Variants in RASGRF2 observed in about 807,000 individuals in gnomAD.
RASGRF2 encodes ras-specific guanine nucleotide-releasing factor 2.
RASGRF2 carries 76 observed loss-of-function variants against 151.0 expected under a neutral mutation model. That is an observed-to-expected ratio of 0.50 (90% confidence interval 0.42 to 0.61). The LOEUF (loss-of-function observed/expected upper bound fraction) is 0.61, where lower values mean the gene tolerates loss of function less well. Among genes scored for constraint, RASGRF2 ranks in the 20% least tolerant of loss-of-function variants. The pLI, the probability that RASGRF2 is intolerant of heterozygous loss-of-function variation, is 0.00. For synonymous variants in RASGRF2, 504 were observed against 566.5 expected, an observed-to-expected ratio of 0.89 and a Z score of 1.57; for missense variants, 1,148 against 1,564.6, an observed-to-expected ratio of 0.73 and a Z score of 4.49.
At chr5:81,022,678 C>T (rs1749871242) in intron 1 of RASGRF2, among the ~76,000 whole-genome samples, 1 of 152,206 alleles carries the variant, frequency 6.6e-6, no homozygotes, top group African/African-American at 2.4e-5. Flanking sequence ...CACACTCCTC[C>T]TTGTGCTCCC....
rs537715222 is a variant in RASGRF2 at position 81,014,401 on chromosome 5, AG to A, written c.289-28474del. 6.6e-5 allele frequency among the ~76,000 whole-genome samples: 10 copies of A among 152,350 alleles called. No homozygotes were observed. The East Asian group carries it at 1.9e-3, about 29-fold the overall frequency. On this transcript the variant is annotated intron_variant, in intron 1 of 26. Coordinates refer to ENST00000265080, the MANE Select transcript of RASGRF2 (RefSeq NM_006909.3). ...AATCACATCTTATGTGGATGGTGGC[AG>A]GCAAAAGATGAGAGCTTGTGCAGAA...
intron 3 of RASGRF2, among the ~76,000 whole-genome samples, chr5:81,068,417 G>A (rs571166171): frequency 7.7e-4 from 115 of 149,072 alleles, no homozygotes; most frequent in African/African-American, 2.5e-3. Context: ...GGTGGGGGGT[G>A]GTTATTTGTT....
chr5:80,991,635 T>C (rs1205331037), intron 1 of RASGRF2, among the ~76,000 whole-genome samples: 1 of 152,218 alleles, frequency 6.6e-6, no homozygotes, highest in East Asian at 1.9e-4. Context: ...GCCTGTTTGC[T>C]TTAATATCAA....
chr5:80,969,325 A>G lies in RASGRF2; in HGVS notation c.288+8299A>G, dbSNP rs190928552. Among the ~76,000 whole-genome samples, 903 of 151,220 alleles carry G rather than the reference A, an allele frequency of 6.0e-3. 6 individuals are homozygous for G. The highest frequency in any genetic ancestry group is 0.019 in the Admixed American group (291 of 15,174). ...TTTGCATTCTTTTTTTAGTAGAGACAGGGTTTCACCATGTTGGTCAGGCTG... is the reference window on the plus strand; with the variant it reads ...TTTGCATTCTTTTTTTAGTAGAGACGGGGTTTCACCATGTTGGTCAGGCTG... On this transcript the variant is annotated intron_variant, in intron 1 of 26. Transcript: ENST00000265080.
chr5:81,043,559 A>G (rs1010014837), intron 2 of RASGRF2, among the ~76,000 whole-genome samples: 1 of 152,222 alleles, frequency 6.6e-6, no homozygotes, highest in African/African-American at 2.4e-5. Context: ...AAATGTGTGT[A>G]CAGGGTCTTA....
intron 12 of RASGRF2, among the ~76,000 whole-genome samples, chr5:81,104,016 CACAA>C (rs759062097): frequency 2.0e-4 from 30 of 151,636 alleles, no homozygotes; most frequent in Admixed American, 1.4e-3. Flanking sequence ...TGGGCAGATA[CACAA>C]ATATATAGTA....
intron 17 of RASGRF2, among the ~76,000 whole-genome samples, chr5:81,155,139 T>C (rs1049742085): frequency 6.6e-6 from 1 of 152,168 alleles, no homozygotes; most frequent in African/African-American, 2.4e-5. Context: ...TATACCAAAA[T>C]ATATGGGATT....
intron 1 of RASGRF2, among the ~76,000 whole-genome samples, chr5:81,028,917 G>C (rs1166414819): frequency 6.6e-6 from 1 of 152,222 alleles, no homozygotes; most frequent in African/African-American, 2.4e-5. Context: ...AGCCCTGCCA[G>C]ATGGTACCTG....
chr5:81,153,124 C>A (rs183191564), intron 17 of RASGRF2, among the ~76,000 whole-genome samples: 333 of 152,096 alleles, frequency 2.2e-3, no homozygotes, highest in South Asian at 3.7e-3. Flanking sequence ...AAAGGACAAG[C>A]AAAGAAACAA....
At chr5:81,181,509 A>C (rs1754916564) in intron 18 of RASGRF2, among the ~76,000 whole-genome samples, 1 of 152,234 alleles carries the variant, frequency 6.6e-6, no homozygotes, top group South Asian at 2.1e-4. Context: ...TTAGTGCATG[A>C]GAAATGTCTA....
chr5:81,146,806 C>G (rs1754017009), intron 17 of RASGRF2, among the ~76,000 whole-genome samples: 1 of 152,184 alleles, frequency 6.6e-6, no homozygotes, highest in Non-Finnish European at 1.5e-5. Context: ...AGGTTGGTAT[C>G]ATTTCAGAAG....
At chr5:81,125,000 G>A (rs1298472519) in intron 16 of RASGRF2, among the ~76,000 whole-genome samples, 2 of 151,972 alleles carry the variant, frequency 1.3e-5, no homozygotes, top group African/African-American at 4.8e-5. Flanking sequence ...TGATTCTCCT[G>A]CCTCAGCCTC....
chr5:81,034,258 T>C (rs1159763551), intron 1 of RASGRF2, among the ~76,000 whole-genome samples: 108 of 152,302 alleles, frequency 7.1e-4, no homozygotes, highest in African/African-American at 2.4e-3. Context: ...GATATCATCT[T>C]ACACCAGTTA....
intron 17 of RASGRF2, among the ~76,000 whole-genome samples, chr5:81,157,955 A>G (rs1468100420): frequency 6.6e-6 from 1 of 152,222 alleles, no homozygotes; most frequent in African/African-American, 2.4e-5. Flanking sequence ...GGACAAGCTG[A>G]TCCTTAAAGA....
At chr5:81,199,353 A>T (rs1256616870) in intron 18 of RASGRF2, among the ~76,000 whole-genome samples, 2 of 152,216 alleles carry the variant, frequency 1.3e-5, no homozygotes, top group Non-Finnish European at 2.9e-5. Flanking sequence ...AATACTAAGG[A>T]TGTATTACAT....
rs575967971 is a variant in RASGRF2, at chr5:81,090,246, A to G, written c.1391-2555A>G. ...TCTTCATTCTTTTTCATTACTCAGT[A>G]GAATTAAGAATAAGGGGCATAGTCT... On this transcript the variant is annotated intron_variant, in intron 9 of 26. Coordinates refer to ENST00000265080, the MANE Select transcript of RASGRF2 (RefSeq NM_006909.3). 5.3e-5 allele frequency among the ~76,000 whole-genome samples: 8 copies of G among 152,360 alleles called. No individual in the cohort carries two copies. In the East Asian group the frequency reaches 1.5e-3, roughly 29 times the overall value.
At chr5:81,035,983 A>G (rs1450527473) in intron 1 of RASGRF2, among the ~76,000 whole-genome samples, 1 of 152,228 alleles carries the variant, frequency 6.6e-6, no homozygotes, top group African/African-American at 2.4e-5. Flanking sequence ...CAGAAAAACA[A>G]CAACAATAAT....
At chr5:81,209,040 T>C (rs1248515922) in intron 22 of RASGRF2, among the ~76,000 whole-genome samples, 1 of 152,214 alleles carries the variant, frequency 6.6e-6, no homozygotes, top group Non-Finnish European at 1.5e-5. Context: ...TTCCTGTTCA[T>C]ATATTGACTA....
chr5:81,067,789 AT>A (rs1751651978), intron 2 of RASGRF2, among the ~76,000 whole-genome samples: 1 of 152,184 alleles, frequency 6.6e-6, no homozygotes, highest in Non-Finnish European at 1.5e-5. Context: ...CTATGGTAAG[AT>A]TTTTTGGGTA....
Sources: gnomAD v4.1 joint callset for allele counts (sites outside exome capture counted in the v4.1 genomes callset) on GRCh38, gnomAD v4.1.1 for gene constraint, MANE v1.5 for transcripts, NCBI Gene and HGNC (gene_info 2026-07-23, HGNC 2026-07-21) for gene names.